SPATA6: variants seen among roughly 807,000 people sequenced by gnomAD.
SPATA6 encodes spermatogenesis-associated protein 6.
In SPATA6, 56 loss-of-function variants were observed where a neutral mutation model predicts 65.3. The observed-to-expected ratio is 0.86, with a 90% CI of 0.69 to 1.07. SPATA6 has a LOEUF of 1.07. SPATA6 is among the 50% of genes least tolerant of loss of function. SPATA6 has a pLI of 0.00. For missense variants in SPATA6, 590 were observed against 594.8 expected, an observed-to-expected ratio of 0.99 and a Z score of 0.08; for synonymous variants, 199 against 213.2, an observed-to-expected ratio of 0.93 and a Z score of 0.58.
chr1:48,423,364 G>A (rs145185437), intron 3 of SPATA6, among the ~76,000 whole-genome samples: 5,365 of 151,278 alleles, frequency 0.035, 310 homozygotes, highest in African/African-American at 0.12. Context: ...GCTGAGGCAG[G>A]AGAACTGCTG....
At chr1:48,444,524 C>G (rs1259925985) in intron 3 of SPATA6, among the ~76,000 whole-genome samples, 2 of 151,814 alleles carry the variant, frequency 1.3e-5, no homozygotes, top group African/African-American at 4.8e-5. Context: ...GGTTTGTAAA[C>G]ACACCAATCA....
At chr1:48,414,212 A>C (rs1353253954) in intron 3 of SPATA6, among the ~76,000 whole-genome samples, 1 of 152,200 alleles carries the variant, frequency 6.6e-6, no homozygotes, top group Non-Finnish European at 1.5e-5. Context: ...GTTTTTGTTA[A>C]GTTTTACTTC....
intron 11 of SPATA6, among the ~76,000 whole-genome samples, chr1:48,330,165 C>G (rs1300324366): frequency 6.6e-6 from 1 of 152,140 alleles, no homozygotes; most frequent in Admixed American, 6.5e-5. Context: ...TCCTCCCACC[C>G]CCACCACTGG....
chr1:48,426,935 T>A (rs1653893485), intron 3 of SPATA6, among the ~76,000 whole-genome samples: 1 of 152,106 alleles, frequency 6.6e-6, no homozygotes, highest in Admixed American at 6.6e-5. Context: ...CAATCTTTTT[T>A]TTTTTTAAGA....
intron 11 of SPATA6, among the ~76,000 whole-genome samples, chr1:48,353,454 GTTAC>G (rs149156701): frequency 0.015 from 2,162 of 147,020 alleles, 51 homozygotes; most frequent in African/African-American, 0.051. Flanking sequence ...AAACTCACGT[GTTAC>G]TTACAAGATA....
At chr1:48,271,320 T>A in the SPATA6 span, among the ~76,000 whole-genome samples, 7 of 152,132 alleles carry the variant, frequency 4.6e-5, no homozygotes, top group African/African-American at 1.7e-4. Flanking sequence ...AACTTCTTAT[T>A]TAAAAAAATT....
rs1417018771 is a variant in SPATA6 at position 48,450,443 on chromosome 1, C to CA, written c.238+1108dup. On this transcript the variant is annotated intron_variant, in intron 3 of 12. Coordinates refer to ENST00000371847, the MANE Select transcript of SPATA6 (RefSeq NM_019073.4). ...CCTCAAAATTTCAAATCAAATGGGA[C>CA]AAAAAAGGCATTGTTTTTTAACAGA... Among the ~76,000 whole-genome samples, 3 of 150,912 alleles carry CA rather than the reference C, an allele frequency of 2.0e-5. No homozygotes were observed. The South Asian group carries it at 6.3e-4, about 31-fold the overall frequency.
intron 9 of SPATA6, among the ~76,000 whole-genome samples, chr1:48,363,820 C>CT (rs1646901040): frequency 6.7e-6 from 1 of 150,122 alleles, no homozygotes; most frequent in Non-Finnish European, 1.5e-5. Flanking sequence ...TATTATTATA[C>CT]TTTAAGTTTT....
chr1:48,313,454 A>T (rs1263428532), intron 11 of SPATA6, among the ~76,000 whole-genome samples: 4 of 152,182 alleles, frequency 2.6e-5, no homozygotes, highest in African/African-American at 9.7e-5. Flanking sequence ...AAGCTTCATA[A>T]GTGAAGGAGA....
At chr1:48,319,177 G>C (rs1405051183) in intron 11 of SPATA6, among the ~76,000 whole-genome samples, 1 of 151,986 alleles carries the variant, frequency 6.6e-6, no homozygotes, top group African/African-American at 2.4e-5. Flanking sequence ...GAAAACATAG[G>C]CATAAATTTT....
chr1:48,467,506 C>G (rs1657900745), intron 1 of SPATA6, among the ~76,000 whole-genome samples: 1 of 152,014 alleles, frequency 6.6e-6, no homozygotes, highest in Non-Finnish European at 1.5e-5. Context: ...AAGATTTTTA[C>G]AAGAATGAAT....
chr1:48,407,679 C>T (rs181886928), intron 5 of SPATA6, among the ~76,000 whole-genome samples: 4 of 152,316 alleles, frequency 2.6e-5, no homozygotes, highest in Admixed American at 2.0e-4. Context: ...AAAACTTCTT[C>T]GTCTTACCTT....
chr1:48,385,121 C>A (rs974071516), intron 9 of SPATA6, among the ~76,000 whole-genome samples, 188 bp downstream of exon 9: 6 of 152,024 alleles, frequency 3.9e-5, no homozygotes, highest in African/African-American at 1.4e-4. Context: ...CCAAAAAATA[C>A]TTGTAGAAAG....
At chr1:48,423,152 G>C (rs1653507737) in intron 3 of SPATA6, among the ~76,000 whole-genome samples, 1 of 152,078 alleles carries the variant, frequency 6.6e-6, no homozygotes, top group Non-Finnish European at 1.5e-5. Flanking sequence ...ATTAATCAAT[G>C]CTGATAAAAA....
chr1:48,347,311 C>A (rs1171639051), intron 11 of SPATA6, among the ~76,000 whole-genome samples: 1 of 151,266 alleles, frequency 6.6e-6, no homozygotes, highest in African/African-American at 2.4e-5. Context: ...AAAAGTAACT[C>A]AAGAAGAATT....
chr1:48,332,194 T>A (rs1645935465), intron 11 of SPATA6, among the ~76,000 whole-genome samples: 1 of 152,102 alleles, frequency 6.6e-6, no homozygotes, highest in Non-Finnish European at 1.5e-5. Context: ...TAACAACCAC[T>A]TAACAACATG....
chr1:48,325,798 A>C, intron 11 of SPATA6: 1 of 445,458 alleles, frequency 2.2e-6, no homozygotes, highest in Non-Finnish European at 4.4e-6. Context: ...AATCAGTCGG[A>C]ATTTGCTGAG....
intron 6 of SPATA6, among the ~76,000 whole-genome samples, chr1:48,400,092 T>C (rs914509962): frequency 1.3e-5 from 2 of 151,908 alleles, no homozygotes; most frequent in South Asian, 4.1e-4. Flanking sequence ...GATAAAACTA[T>C]AAAAATAAGT....
At chr1:48,301,233 C>G (rs1433051618) in intron 12 of SPATA6, among the ~76,000 whole-genome samples, 6 of 151,522 alleles carry the variant, frequency 4.0e-5, no homozygotes, top group Non-Finnish European at 1.5e-5. Flanking sequence ...TTTCTATATT[C>G]CAACAGTAAA....
Sources: allele counts gnomAD v4.1 joint callset (sites outside exome capture counted in the v4.1 genomes callset), GRCh38; gene constraint gnomAD v4.1.1; transcripts MANE v1.5; gene names NCBI Gene and HGNC (gene_info 2026-07-23, HGNC 2026-07-21).